Variants in TSPAN5 observed in about 807,000 individuals in gnomAD.
The protein encoded by TSPAN5 is tetraspanin 5.
A neutral mutation model predicts 37.1 loss-of-function variants in TSPAN5; 10 were observed. The ratio of observed to expected loss-of-function variants is 0.27; its 90% CI spans 0.17 to 0.46. TSPAN5 has a LOEUF of 0.46. Ranked by LOEUF, TSPAN5 falls within the 20% of genes least tolerant of loss-of-function variation. The pLI, the probability that TSPAN5 is intolerant of heterozygous loss-of-function variation, is 1.00. For missense variants in TSPAN5, 195 were observed against 326.6 expected, an observed-to-expected ratio of 0.60 and a Z score of 3.11; for synonymous variants, 110 against 118.9, an observed-to-expected ratio of 0.93 and a Z score of 0.48.
At position 98,644,171 on chromosome 4, in the gene TSPAN5, T is replaced by C. The variant is rs532664800; in HGVS notation, c.81+13975A>G. Among the ~76,000 whole-genome samples, 24 of 152,318 alleles carry C rather than the reference T, an allele frequency of 1.6e-4. No individual in the cohort carries two copies. In the East Asian group the frequency reaches 4.6e-3, roughly 29 times the overall value. On this transcript the variant is annotated intron_variant, in intron 1 of 7. Coordinates refer to ENST00000305798, the MANE Select transcript of TSPAN5 (RefSeq NM_005723.4). ...TGATGTTTATTCACAAGGTATTTGCTCTGTTTGTTGAAAACACTTATTTTA... is the reference window on the plus strand; with the variant it reads ...TGATGTTTATTCACAAGGTATTTGCCCTGTTTGTTGAAAACACTTATTTTA...
intron 1 of TSPAN5, among the ~76,000 whole-genome samples, chr4:98,553,492 T>A (rs1328071964): frequency 6.6e-6 from 1 of 152,164 alleles, no homozygotes; most frequent in Non-Finnish European, 1.5e-5. Context: ...CTTTTAAAAA[T>A]AAAAGACAAC....
At chr4:98,536,439 G>A (rs1282303017) in intron 1 of TSPAN5, among the ~76,000 whole-genome samples, 1 of 152,150 alleles carries the variant, frequency 6.6e-6, no homozygotes, top group Non-Finnish European at 1.5e-5. Context: ...GTGTCCGTCG[G>A]CCCCTACTGG....
chr4:98,522,582 C>T (rs1420082420), intron 1 of TSPAN5, among the ~76,000 whole-genome samples: 1 of 152,192 alleles, frequency 6.6e-6, no homozygotes, highest in Non-Finnish European at 1.5e-5. Context: ...TCAATCAAAA[C>T]CTAAAACATC....
intron 1 of TSPAN5, among the ~76,000 whole-genome samples, chr4:98,515,516 T>G (rs1578959992): frequency 6.6e-6 from 1 of 151,034 alleles, no homozygotes; most frequent in African/African-American, 2.4e-5. Flanking sequence ...TCAGAGGCTC[T>G]CTCTCTCTCT....
chr4:98,508,238 C>G (rs1000162780), intron 1 of TSPAN5, among the ~76,000 whole-genome samples: 4 of 152,120 alleles, frequency 2.6e-5, no homozygotes, highest in African/African-American at 7.2e-5. Context: ...CAATGTAACC[C>G]AAAGAAAATT....
At chr4:98,520,621 C>G (rs747064245) in intron 1 of TSPAN5, among the ~76,000 whole-genome samples, 11 of 152,208 alleles carry the variant, frequency 7.2e-5, no homozygotes, top group Non-Finnish European at 1.2e-4. Flanking sequence ...GGTCAAGTCA[C>G]TGAATGATAG....
At chr4:98,534,086 T>C (rs1219278091) in intron 1 of TSPAN5, among the ~76,000 whole-genome samples, 1 of 152,044 alleles carries the variant, frequency 6.6e-6, no homozygotes, top group Non-Finnish European at 1.5e-5. Context: ...TGTGCTTCTC[T>C]AGTTCTTTTA....
At chr4:98,497,646 G>A (rs564178580) in intron 2 of TSPAN5, among the ~76,000 whole-genome samples, 4 of 152,160 alleles carry the variant, frequency 2.6e-5, no homozygotes, top group Admixed American at 6.5e-5. Context: ...TATGAGACTC[G>A]TTCATTTATT....
At chr4:98,533,270 T>G (rs1346381604) in intron 1 of TSPAN5, among the ~76,000 whole-genome samples, 1 of 152,084 alleles carries the variant, frequency 6.6e-6, no homozygotes. Context: ...AATGGTATCA[T>G]CTCCTGTTTG....
intron 1 of TSPAN5, among the ~76,000 whole-genome samples, chr4:98,524,296 T>G (rs1021730736): frequency 6.6e-6 from 1 of 152,212 alleles, no homozygotes; most frequent in African/African-American, 2.4e-5. Flanking sequence ...AGGGTCGCCA[T>G]GGGAAAGTAA....
At position 98,658,285 on chromosome 4, in the gene TSPAN5, G is replaced by A. The variant is rs1171027327; in HGVS notation, c.-59C>T. ...CCCGAGTTTGGAGCTCCGAAGCACC[G>A]TTGCTCGGAGCAGCCCGGCGGGGAG... is the stretch of plus-strand genomic sequence containing the variant. On this transcript the variant is annotated 5_prime_UTR_variant, in exon 1 of 8. In the 5' UTR this introduces an upstream ATG that the reference lacks. Transcript: ENST00000305798. 2 of 1,408,600 alleles carry A rather than the reference G, an allele frequency of 1.4e-6. No individual in the cohort carries two copies. Among genetic ancestry groups the A allele is most frequent in the Non-Finnish European group, 2.0e-6 (2 of 993,064 alleles). 87.3% of individuals were successfully genotyped at this position (1,408,600 alleles called of 1,614,324 possible). A position where few individuals can be genotyped will look rare whatever the true frequency, so the allele number is the denominator to read the frequency against.
chr4:98,608,914 A>C (rs1327982300), intron 1 of TSPAN5, among the ~76,000 whole-genome samples: 2 of 152,210 alleles, frequency 1.3e-5, no homozygotes, highest in African/African-American at 2.4e-5. Flanking sequence ...TCGCTCCCAC[A>C]GGAAACAAAA....
intron 1 of TSPAN5, among the ~76,000 whole-genome samples, chr4:98,541,403 G>T (rs918965447): frequency 1.3e-5 from 2 of 152,124 alleles, no homozygotes; most frequent in Non-Finnish European, 2.9e-5. Context: ...GGCTGGGCAT[G>T]GTGGCTCACG....
chr4:98,579,062 T>TG (rs1299194118), intron 1 of TSPAN5, among the ~76,000 whole-genome samples: 1 of 152,056 alleles, frequency 6.6e-6, no homozygotes, highest in Non-Finnish European at 1.5e-5. Flanking sequence ...ACGTGCTGGA[T>TG]GGGGGGCTCT....
At chr4:98,521,122 G>C (rs1353139616) in intron 1 of TSPAN5, among the ~76,000 whole-genome samples, 3 of 152,154 alleles carry the variant, frequency 2.0e-5, no homozygotes, top group Non-Finnish European at 2.9e-5. Context: ...AGTAGAGACA[G>C]GGTTTCACCA....
At chr4:98,624,881 A>G (rs1394829446) in intron 1 of TSPAN5, among the ~76,000 whole-genome samples, 1 of 151,748 alleles carries the variant, frequency 6.6e-6, no homozygotes, top group Non-Finnish European at 1.5e-5. Flanking sequence ...TCATAAATAC[A>G]CAAGACTAAC....
intron 1 of TSPAN5, among the ~76,000 whole-genome samples, chr4:98,643,007 T>G (rs1353049653): frequency 6.6e-6 from 1 of 152,200 alleles, no homozygotes; most frequent in Non-Finnish European, 1.5e-5. Flanking sequence ...CTAAGTATAG[T>G]GTTAATGTAG....
chr4:98,639,988 C>T (rs973514196), intron 1 of TSPAN5, among the ~76,000 whole-genome samples: 6 of 152,106 alleles, frequency 3.9e-5, no homozygotes, highest in Admixed American at 6.5e-5. Context: ...CTGAAAGGCA[C>T]TAACTTAGGG....
At chr4:98,474,643 C>A (rs114405795) in intron 7 of TSPAN5, among the ~76,000 whole-genome samples, 2,313 of 152,112 alleles carry the variant, frequency 0.015, 38 homozygotes, top group Middle Eastern at 0.034. Context: ...CCACTGCACC[C>A]GGCCTTATTT....
Sources: gnomAD v4.1 joint callset for allele counts (sites outside exome capture counted in the v4.1 genomes callset) on GRCh38, gnomAD v4.1.1 for gene constraint, MANE v1.5 for transcripts, NCBI Gene and HGNC (gene_info 2026-07-23, HGNC 2026-07-21) for gene names.